The following SRGAP3 variants were observed in gnomAD, a reference collection of about 807,000 sequenced individuals.
The protein encoded by SRGAP3 is SLIT-ROBO Rho GTPase-activating protein 3.
Under a neutral mutation model 121.1 loss-of-function variants are expected in SRGAP3, and 39 were observed. That is an observed-to-expected ratio of 0.32 (90% CI 0.25 to 0.42). SRGAP3 has a LOEUF of 0.42. Ranked by LOEUF, SRGAP3 falls within the 10% of genes least tolerant of loss-of-function variation. SRGAP3 has a pLI of 1.00. For synonymous variants in SRGAP3, 601 were observed against 570.0 expected (o/e 1.05, Z -0.77); for missense variants, 1,213 against 1,470.6 (o/e 0.82, Z 2.86).
chr3:9,347,475 G>A (rs374220199), intron 1 of SRGAP3, among the ~76,000 whole-genome samples: 1 of 152,280 alleles, frequency 6.6e-6, no homozygotes, highest in Non-Finnish European at 1.5e-5. Context: ...GGGCTACGAG[G>A]TCTGAGCTAC....
chr3:9,121,606 G>A (rs949342961), intron 2 of SRGAP3, among the ~76,000 whole-genome samples: 1 of 152,238 alleles, frequency 6.6e-6, no homozygotes, highest in Admixed American at 6.5e-5. Flanking sequence ...GCATGGCCGG[G>A]CTGCCAGCTG....
At chr3:9,127,169 A>G (rs1432400767) in intron 1 of SRGAP3, among the ~76,000 whole-genome samples, 1 of 150,802 alleles carries the variant, frequency 6.6e-6, no homozygotes, top group African/African-American at 2.4e-5. Flanking sequence ...AAAAACTTAA[A>G]AAAAAAAAAA....
At chr3:9,018,181 A>G (rs1410314175) in intron 14 of SRGAP3, among the ~76,000 whole-genome samples, 4 of 152,148 alleles carry the variant, frequency 2.6e-5, no homozygotes, top group Non-Finnish European at 5.9e-5. Context: ...AAATGACATG[A>G]TTTCATTCTT....
chr3:9,332,832 T>A (rs1955632110), intron 1 of SRGAP3, among the ~76,000 whole-genome samples: 1 of 152,188 alleles, frequency 6.6e-6, no homozygotes. Flanking sequence ...AATAATAGAC[T>A]CGTGAGCAAC....
intron 3 of SRGAP3, among the ~76,000 whole-genome samples, chr3:9,264,286 A>G (rs1264769748): frequency 6.6e-6 from 1 of 152,226 alleles, no homozygotes; most frequent in East Asian, 1.9e-4. Context: ...CAAAAGCCGG[A>G]AGCATTCCCT....
intron 3 of SRGAP3, among the ~76,000 whole-genome samples, chr3:9,099,379 G>C (rs1201028858): frequency 2.0e-5 from 3 of 152,210 alleles, no homozygotes; most frequent in Non-Finnish European, 2.9e-5. Flanking sequence ...ACAGGCATCA[G>C]AGCATAGAAT....
chr3:9,305,559 A>C (rs1955145314), intron 3 of SRGAP3, among the ~76,000 whole-genome samples: 1 of 151,074 alleles, frequency 6.6e-6, no homozygotes. Context: ...TCCGTCCCCC[A>C]GTCTCCCACC....
chr3:9,054,920 T>C (rs976583767), intron 8 of SRGAP3, among the ~76,000 whole-genome samples: 4 of 152,204 alleles, frequency 2.6e-5, no homozygotes, highest in African/African-American at 9.6e-5. Flanking sequence ...AGGTTCAAAA[T>C]TAAGCACATT....
At chr3:9,129,462 G>C (rs1320095029) in intron 1 of SRGAP3, among the ~76,000 whole-genome samples, 1 of 147,900 alleles carries the variant, frequency 6.8e-6, no homozygotes, top group Non-Finnish European at 1.5e-5. Context: ...GTAGAGGGTA[G>C]GTAAGCAAAA....
chr3:9,268,633 G>A (rs1027608270), intron 3 of SRGAP3, among the ~76,000 whole-genome samples: 4 of 152,048 alleles, frequency 2.6e-5, no homozygotes, highest in Non-Finnish European at 5.9e-5. Flanking sequence ...CACAAGCCGA[G>A]GACCCAGGTA....
At chr3:9,204,460 ATC>A (rs913905951) in intron 1 of SRGAP3, among the ~76,000 whole-genome samples, 1 of 152,144 alleles carries the variant, frequency 6.6e-6, no homozygotes, top group African/African-American at 2.4e-5. Flanking sequence ...CTCTGAACTG[ATC>A]TCTGTTTCTG....
intron 11 of SRGAP3, chr3:9,036,305 A>G (rs536711701): frequency 9.2e-5 from 14 of 152,348 alleles, no homozygotes; most frequent in African/African-American, 3.4e-4. Flanking sequence ...TAGGACAGAG[A>G]CATTGTTAGC....
rs139003473 is a variant in SRGAP3, at chr3:9,080,179, C to T, written c.424-92G>A. On this transcript the variant is annotated intron_variant, in intron 3 of 21. Coordinates refer to ENST00000383836, the MANE Select transcript of SRGAP3 (RefSeq NM_014850.4). Reference sequence around the variant, plus strand: ...CAAAAGCGAAAGGTCAGGAATGTTTCGGGTGGGGTCAGAAGGGGTACAGAA... The same window carrying T: ...CAAAAGCGAAAGGTCAGGAATGTTTTGGGTGGGGTCAGAAGGGGTACAGAA... 9.3e-5 allele frequency: 123 copies of T among 1,324,034 alleles called. No homozygotes were observed. The East Asian group carries it at 1.6e-3, about 17-fold the overall frequency. The allele number at this position is 1,324,034 out of a possible 1,614,324, so 82.0% of individuals were successfully genotyped here.
intron 2 of SRGAP3, among the ~76,000 whole-genome samples, chr3:9,327,696 A>G (rs1307185657): frequency 1.3e-5 from 2 of 152,228 alleles, no homozygotes; most frequent in African/African-American, 4.8e-5. Flanking sequence ...AAAGCAGGCA[A>G]GCTGTACAGT....
At chr3:9,327,763 G>A (rs1018919560) in intron 2 of SRGAP3, among the ~76,000 whole-genome samples, 1 of 152,170 alleles carries the variant, frequency 6.6e-6, no homozygotes, top group South Asian at 2.1e-4. Context: ...CCTTTCAGTT[G>A]TATATTTCTG....
intron 3 of SRGAP3, among the ~76,000 whole-genome samples, chr3:9,281,816 GCA>G (rs1954685422): frequency 6.6e-6 from 1 of 152,028 alleles, no homozygotes; most frequent in Admixed American, 6.6e-5. Flanking sequence ...GGGACTACAG[GCA>G]TGCACCACCA....
At chr3:9,197,136 G>C (rs1481182556) in intron 1 of SRGAP3, among the ~76,000 whole-genome samples, 1 of 152,138 alleles carries the variant, frequency 6.6e-6, no homozygotes, top group Non-Finnish European at 1.5e-5. Flanking sequence ...TAGATGACAG[G>C]GTGTACTGGC....
intron 3 of SRGAP3, among the ~76,000 whole-genome samples, chr3:9,086,517 C>T (rs997238394): frequency 2.9e-4 from 25 of 87,054 alleles, no homozygotes; most frequent in South Asian, 1.6e-3. Flanking sequence ...GAGACTGTTT[C>T]AAAAAAAAAA....
At chr3:9,115,533 C>G (rs1402827425) in intron 2 of SRGAP3, among the ~76,000 whole-genome samples, 1 of 152,046 alleles carries the variant, frequency 6.6e-6, no homozygotes, top group Admixed American at 6.6e-5. Context: ...GGTGTGGGAC[C>G]TGGGAAAGAG....
Sources: allele counts gnomAD v4.1 joint callset (sites outside exome capture counted in the v4.1 genomes callset), GRCh38; gene constraint gnomAD v4.1.1; transcripts MANE v1.5; gene names NCBI Gene and HGNC (gene_info 2026-07-23, HGNC 2026-07-21).